GALNT17: variants seen among roughly 807,000 people sequenced by gnomAD.
GALNT17 encodes polypeptide N-acetylgalactosaminyltransferase 17, also known as UDP-GalNAc:polypeptide N-acetylgalactosaminyltransferase-like 3.
GALNT17 carries 29 observed loss-of-function variants against 63.7 expected under a neutral mutation model. The ratio of observed to expected loss-of-function variants is 0.46; its 90% confidence interval spans 0.34 to 0.62. GALNT17 has a LOEUF of 0.62. Ranked by LOEUF, GALNT17 falls within the 20% of genes least tolerant of loss-of-function variation. The probability of loss-of-function intolerance (pLI) is 0.01; values close to 1 mark genes in which losing one functional copy is unlikely to be tolerated. For missense variants in GALNT17, 603 were observed against 799.6 expected, an observed-to-expected ratio of 0.75 and a Z score of 2.97; for synonymous variants, 305 against 318.3, an observed-to-expected ratio of 0.96 and a Z score of 0.45.
chr7:71,593,555 C>T (rs1322395062), intron 6 of GALNT17, among the ~76,000 whole-genome samples: 3 of 152,118 alleles, frequency 2.0e-5, no homozygotes, highest in Admixed American at 6.5e-5. Context: ...TGAGCCACCA[C>T]GCCTGGCCCC....
At chr7:71,427,139 G>T (rs1786774183) in intron 5 of GALNT17, among the ~76,000 whole-genome samples, 2 of 149,430 alleles carry the variant, frequency 1.3e-5, no homozygotes, top group Admixed American at 6.7e-5. Context: ...GAGTGCAGTG[G>T]CATGATCTTG....
chr7:71,221,080 T>A (rs1313971493), intron 1 of GALNT17, among the ~76,000 whole-genome samples: 3 of 152,120 alleles, frequency 2.0e-5, no homozygotes, highest in Non-Finnish European at 4.4e-5. Flanking sequence ...ATCTGGGATC[T>A]AGACTTTCAT....
At chr7:71,340,078 A>G (rs926947202) in intron 2 of GALNT17, among the ~76,000 whole-genome samples, 1 of 152,186 alleles carries the variant, frequency 6.6e-6, no homozygotes, top group African/African-American at 2.4e-5. Context: ...GGGGTTTGTA[A>G]GAGCAGAAGA....
rs182066051 is a variant in GALNT17, at chr7:71,365,908, C to G, written c.423-22327C>G. ...TGTAATATATAATAAAATAATTACA[C>G]AACTCATTACAATGTAGAATCATGG... On this transcript the variant is annotated intron_variant, in intron 2 of 10. Coordinates refer to ENST00000333538, the MANE Select transcript of GALNT17 (RefSeq NM_022479.3). Among the ~76,000 whole-genome samples the G allele has an allele frequency of 1.2e-3, 181 of 152,160 alleles. 1 individual carries two copies. Among genetic ancestry groups the G allele is most frequent in the Non-Finnish European group, 1.9e-3 (127 of 68,014 alleles).
At chr7:71,598,005 C>T (rs985052921) in intron 6 of GALNT17, among the ~76,000 whole-genome samples, 2 of 151,302 alleles carry the variant, frequency 1.3e-5, no homozygotes, top group African/African-American at 2.4e-5. Flanking sequence ...AGTGCAGTGG[C>T]GCAGTCTCGG....
intron 5 of GALNT17, among the ~76,000 whole-genome samples, chr7:71,467,955 C>T (rs1424103460): frequency 2.0e-5 from 3 of 151,958 alleles, no homozygotes; most frequent in Admixed American, 6.6e-5. Flanking sequence ...ACCAGCCAGG[C>T]CTTGCACCTG....
At chr7:71,710,074 A>G (rs965113528) in intron 9 of GALNT17, among the ~76,000 whole-genome samples, 1 of 152,150 alleles carries the variant, frequency 6.6e-6, no homozygotes, top group African/African-American at 2.4e-5. Flanking sequence ...ATGGAGACTC[A>G]GGTTACTTGT....
chr7:71,160,866 C>G (rs1788329951), intron 1 of GALNT17, among the ~76,000 whole-genome samples: 1 of 152,150 alleles, frequency 6.6e-6, no homozygotes, highest in Non-Finnish European at 1.5e-5. Flanking sequence ...ACAGATAAGT[C>G]TCACTCCGTT....
At chr7:71,414,145 G>A in intron 3 of GALNT17, among the ~76,000 whole-genome samples, 1 of 152,118 alleles carries the variant, frequency 6.6e-6, no homozygotes. Context: ...GGAGGCTGAG[G>A]CAGGAGAATC....
chr7:71,314,853 C>T (rs934645644), intron 1 of GALNT17, among the ~76,000 whole-genome samples: 2 of 152,092 alleles, frequency 1.3e-5, no homozygotes, highest in Admixed American at 1.3e-4. Context: ...CTGCACTGAG[C>T]CATGATTGCA....
At chr7:71,171,459 C>T (rs1788545787) in intron 1 of GALNT17, among the ~76,000 whole-genome samples, 1 of 152,192 alleles carries the variant, frequency 6.6e-6, no homozygotes, top group South Asian at 2.1e-4. Flanking sequence ...TATGATTGCA[C>T]CACTGCACTC....
intron 5 of GALNT17, among the ~76,000 whole-genome samples, chr7:71,538,296 C>A (rs929618837): frequency 2.0e-5 from 3 of 152,140 alleles, no homozygotes; most frequent in Non-Finnish European, 2.9e-5. Flanking sequence ...GAGCTTGCCA[C>A]GGCTATTTCA....
chr7:71,570,228 A>G (rs1291045761), intron 5 of GALNT17, among the ~76,000 whole-genome samples: 1 of 152,098 alleles, frequency 6.6e-6, no homozygotes, highest in Non-Finnish European at 1.5e-5. Flanking sequence ...TCCCGACTTC[A>G]TGGTTACTCT....
intron 6 of GALNT17, among the ~76,000 whole-genome samples, chr7:71,579,533 G>A (rs1789599347): frequency 6.6e-6 from 1 of 152,222 alleles, no homozygotes; most frequent in Non-Finnish European, 1.5e-5. Flanking sequence ...GGAGTTGGGA[G>A]GAACCTTCTT....
chr7:71,140,594 C>T (rs1037368267), intron 1 of GALNT17, among the ~76,000 whole-genome samples: 2 of 152,176 alleles, frequency 1.3e-5, no homozygotes, highest in African/African-American at 4.8e-5. Flanking sequence ...CTGGAGCGTC[C>T]TTTGTGGAAA....
intron 1 of GALNT17, among the ~76,000 whole-genome samples, chr7:71,154,437 T>C (rs969555649): frequency 2.0e-5 from 3 of 152,380 alleles, no homozygotes; most frequent in Non-Finnish European, 4.4e-5. Context: ...GTCATTGTTT[T>C]AAGCCACTTT....
intron 1 of GALNT17, among the ~76,000 whole-genome samples, chr7:71,259,711 G>A (rs1205270899): frequency 7.0e-6 from 1 of 143,386 alleles, no homozygotes; most frequent in Non-Finnish European, 1.5e-5. Flanking sequence ...GCGCAATCTC[G>A]GCTCACTGCA....
At chr7:71,376,120 G>A (rs1184841208) in intron 2 of GALNT17, among the ~76,000 whole-genome samples, 4 of 151,596 alleles carry the variant, frequency 2.6e-5, no homozygotes, top group African/African-American at 9.7e-5. Flanking sequence ...AATCTTACTG[G>A]CCAAATTTTG....
intron 1 of GALNT17, among the ~76,000 whole-genome samples, chr7:71,324,101 C>T (rs1042046095): frequency 6.6e-6 from 1 of 152,086 alleles, no homozygotes; most frequent in Admixed American, 6.6e-5. Context: ...CAGCAGAGGA[C>T]GAGGCTGGGC....
Sources: gnomAD v4.1 joint callset for allele counts (sites outside exome capture counted in the v4.1 genomes callset) on GRCh38, gnomAD v4.1.1 for gene constraint, MANE v1.5 for transcripts, NCBI Gene and HGNC (gene_info 2026-07-23, HGNC 2026-07-21) for gene names.